The following KIAA1958 variants were observed in gnomAD, a reference collection of about 807,000 sequenced individuals.
The protein encoded by KIAA1958 is KIAA1958, also known as uncharacterized protein KIAA1958.
Under a neutral mutation model 47.2 loss-of-function variants are expected in KIAA1958, and 14 were observed. That is an observed-to-expected ratio of 0.30 (90% CI 0.20 to 0.46). The LOEUF (loss-of-function observed/expected upper bound fraction) is 0.46. Ranked by LOEUF, KIAA1958 falls within the 20% of genes least tolerant of loss-of-function variation. The pLI is 1.00. For missense variants in KIAA1958, 803 were observed against 909.2 expected (o/e 0.88, Z 1.50); for synonymous variants, 354 against 353.3 (o/e 1.00, Z -0.02).
chr9:112,646,472 A>C (rs761391231), intron 3 of KIAA1958, among the ~76,000 whole-genome samples: 6 of 152,254 alleles, frequency 3.9e-5, no homozygotes, highest in Non-Finnish European at 8.8e-5. Context: ...GAGAAGAAAC[A>C]TAATGAAAGT....
At chr9:112,638,503 T>G (rs556224991) in intron 2 of KIAA1958, among the ~76,000 whole-genome samples, 1 of 147,596 alleles carries the variant, frequency 6.8e-6, no homozygotes, top group South Asian at 2.1e-4. Context: ...ACCCTATCTC[T>G]AAAAAAAAAA....
rs1837333821 is a variant in KIAA1958, at chr9:112,664,959, C to G, written c.*4890C>G. The stretch of plus-strand genomic sequence containing the variant: ...GATTTTGAATATTCCTTGTTCATTA[C>G]AGTCCAGAAAATCTGCAGAAGTTCT... On this transcript the variant is annotated 3_prime_UTR_variant, in exon 4 of 4. Transcript: ENST00000337530. The G allele has an allele frequency of 6.6e-6, 1 of 152,158 alleles. No individual in the cohort carries two copies. Among genetic ancestry groups the G allele is most frequent in the Non-Finnish European group, 1.5e-5 (1 of 68,042 alleles). The allele number at this position is 152,158 out of a possible 1,614,324, so 9.4% of individuals were successfully genotyped here.
chr9:112,599,391 A>T (rs1399526249), intron 2 of KIAA1958, among the ~76,000 whole-genome samples: 2 of 152,240 alleles, frequency 1.3e-5, no homozygotes, highest in African/African-American at 4.8e-5. Flanking sequence ...GGTTTTGTAA[A>T]CTCACTGAAG....
intron 2 of KIAA1958, among the ~76,000 whole-genome samples, chr9:112,587,551 A>G (rs1588029732): frequency 6.6e-6 from 1 of 152,334 alleles, no homozygotes; most frequent in East Asian, 1.9e-4. Context: ...CAGATTTATA[A>G]TCAAGTAAAT....
At chr9:112,623,171 T>C (rs925998802) in intron 2 of KIAA1958, among the ~76,000 whole-genome samples, 2 of 152,240 alleles carry the variant, frequency 1.3e-5, no homozygotes, top group Non-Finnish European at 2.9e-5. Context: ...ATCCACTGTG[T>C]TCATGTAGGT....
chr9:112,544,709 C>T (rs990946250), intron 1 of KIAA1958, among the ~76,000 whole-genome samples: 2 of 152,154 alleles, frequency 1.3e-5, no homozygotes, highest in African/African-American at 4.8e-5. Context: ...AGCTCTGCAA[C>T]TTATACATTT....
At chr9:112,497,132 T>C (rs948843912) in intron 1 of KIAA1958, among the ~76,000 whole-genome samples, 1 of 152,164 alleles carries the variant, frequency 6.6e-6, no homozygotes, top group African/African-American at 2.4e-5. Context: ...CTTTCCCCAG[T>C]GGTAACATAT....
chr9:112,609,784 T>C (rs1290276668), intron 2 of KIAA1958, among the ~76,000 whole-genome samples: 3 of 151,980 alleles, frequency 2.0e-5, no homozygotes, highest in African/African-American at 7.3e-5. Context: ...ACTCCTGGGG[T>C]CAAGCCATCC....
At chr9:112,615,413 C>A (rs1836393502) in intron 2 of KIAA1958, among the ~76,000 whole-genome samples, 1 of 126,370 alleles carries the variant, frequency 7.9e-6, no homozygotes, top group African/African-American at 2.6e-5. Context: ...GAGCAAGGCT[C>A]CGTCTCAAAA....
rs181152584 is a variant in KIAA1958, at chr9:112,499,345, C to G, written c.-25+12227C>G. On this transcript the variant is annotated intron_variant, in intron 1 of 3. Transcript: ENST00000337530. The stretch of plus-strand genomic sequence containing the variant: ...TTTTGAGAATCTTCTATATGGTTTT[C>G]TATAATAAATAGCCTTTGAAGATTT... Among the ~76,000 whole-genome samples, 837 of 152,192 alleles carry G rather than the reference C, an allele frequency of 5.5e-3. 13 individuals carry two copies. Among genetic ancestry groups the G allele is most frequent in the African/African-American group, 0.019 (792 of 41,516 alleles).
chr9:112,639,162 A>G (rs1462250127), intron 2 of KIAA1958, among the ~76,000 whole-genome samples: 2 of 152,166 alleles, frequency 1.3e-5, no homozygotes, highest in Non-Finnish European at 1.5e-5. Context: ...GTCTATTCCT[A>G]TTGAAGTTTT....
At chr9:112,507,848 G>C (rs758696193) in intron 1 of KIAA1958, among the ~76,000 whole-genome samples, 13 of 150,326 alleles carry the variant, frequency 8.6e-5, no homozygotes, top group Admixed American at 1.3e-4. Context: ...TCCTAGGCTG[G>C]TCTTGACTTC....
At chr9:112,488,695 A>C (rs1833912219) in intron 1 of KIAA1958, among the ~76,000 whole-genome samples, 1 of 152,240 alleles carries the variant, frequency 6.6e-6, no homozygotes, top group South Asian at 2.1e-4. Context: ...CTAAACTTGA[A>C]GGAAAAACGT....
chr9:112,488,872 G>A (rs530456814), intron 1 of KIAA1958, among the ~76,000 whole-genome samples: 105 of 152,268 alleles, frequency 6.9e-4, no homozygotes, highest in Non-Finnish European at 1.1e-3. Flanking sequence ...TCTTGTCCCA[G>A]TTAAACAGAT....
rs183315472 is a variant in KIAA1958 at position 112,593,349 on chromosome 9, G to A, written c.1171+18098G>A. On this transcript the variant is annotated intron_variant, in intron 2 of 3. Coordinates refer to ENST00000337530, the MANE Select transcript of KIAA1958 (RefSeq NM_133465.4). The stretch of plus-strand genomic sequence containing the variant: ...TGGCCCATAACCAGTTCCCGGCCAC[G>A]AACTAAAAGGCCACGGAGGGGGTCA... 2.6e-5 allele frequency among the ~76,000 whole-genome samples: 4 copies of A among 152,228 alleles called. No individual in the cohort carries two copies. In the East Asian group the frequency reaches 5.8e-4, roughly 22 times the overall value.
At chr9:112,620,420 A>G (rs892315504) in intron 2 of KIAA1958, among the ~76,000 whole-genome samples, 5 of 152,196 alleles carry the variant, frequency 3.3e-5, no homozygotes, top group African/African-American at 1.2e-4. Context: ...AACCAGGACA[A>G]ATTTCATTCT....
intron 2 of KIAA1958, chr9:112,581,859 A>G (rs1835740758): frequency 1.3e-5 from 3 of 231,500 alleles, no homozygotes; most frequent in Admixed American, 1.2e-4. Flanking sequence ...ACTCACTGGA[A>G]GCCTTGGTTT....
At chr9:112,623,556 A>G (rs1464941332) in intron 2 of KIAA1958, among the ~76,000 whole-genome samples, 1 of 152,208 alleles carries the variant, frequency 6.6e-6, no homozygotes. Context: ...CAACTCATTG[A>G]TTGAGATCAA....
At chr9:112,548,153 G>C (rs973417513) in intron 1 of KIAA1958, among the ~76,000 whole-genome samples, 1 of 151,852 alleles carries the variant, frequency 6.6e-6, no homozygotes, top group Non-Finnish European at 1.5e-5. Flanking sequence ...ACAGGCAAGC[G>C]CCACCACACC....
Sources: gnomAD v4.1 joint callset for allele counts (sites outside exome capture counted in the v4.1 genomes callset) on GRCh38, gnomAD v4.1.1 for gene constraint, MANE v1.5 for transcripts, NCBI Gene and HGNC (gene_info 2026-07-23, HGNC 2026-07-21) for gene names.